NEK11: variants seen among roughly 807,000 people sequenced by gnomAD.
The protein encoded by NEK11 is serine/threonine-protein kinase Nek11.
A neutral mutation model predicts 80.7 loss-of-function variants in NEK11; 72 were observed. The observed-to-expected ratio is 0.89, with a 90% CI of 0.74 to 1.08. NEK11 has a LOEUF of 1.08. NEK11 is among the 50% of genes least tolerant of loss of function. The pLI, the probability that NEK11 is intolerant of heterozygous loss-of-function variation, is 0.00. For missense variants in NEK11, 764 were observed against 763.6 expected, an observed-to-expected ratio of 1.00 and a Z score of -0.01; for synonymous variants, 251 against 260.7, an observed-to-expected ratio of 0.96 and a Z score of 0.36.
chr3:131,300,714 C>G (rs1019199289), intron 17 of NEK11, among the ~76,000 whole-genome samples: 1 of 152,104 alleles, frequency 6.6e-6, no homozygotes, highest in Non-Finnish European at 1.5e-5. Context: ...TTCCTGGGCT[C>G]TCTGTTCTGT....
intron 10 of NEK11, among the ~76,000 whole-genome samples, chr3:131,156,362 A>C (rs2090639373): frequency 2.0e-5 from 3 of 152,180 alleles, no homozygotes; most frequent in Admixed American, 2.0e-4. Flanking sequence ...TTTGTCAAGG[A>C]AAGAGTTGGG....
intron 3 of NEK11, among the ~76,000 whole-genome samples, chr3:131,060,565 C>T (rs977578814): frequency 2.0e-5 from 3 of 152,126 alleles, no homozygotes; most frequent in Non-Finnish European, 2.9e-5. Flanking sequence ...TTTTTAATCT[C>T]ATATTTTCAG....
chr3:131,303,185 T>C (rs2096681137), intron 17 of NEK11, among the ~76,000 whole-genome samples: 1 of 152,180 alleles, frequency 6.6e-6, no homozygotes, highest in Admixed American at 6.5e-5. Flanking sequence ...TTGTGGCAGA[T>C]TTTTCTCATT....
chr3:131,091,232 T>C (rs2076683763), intron 4 of NEK11, among the ~76,000 whole-genome samples: 1 of 152,234 alleles, frequency 6.6e-6, no homozygotes, highest in Non-Finnish European at 1.5e-5. Context: ...CCTTGCTTAA[T>C]GCTAAAAACA....
chr3:131,073,208 A>G (rs1429965540), intron 3 of NEK11, among the ~76,000 whole-genome samples: 3 of 152,164 alleles, frequency 2.0e-5, no homozygotes, highest in Admixed American at 1.3e-4. Context: ...GCTTATTTAT[A>G]CAGATGGGAA....
intron 3 of NEK11, chr3:131,054,686 T>C (rs2069044720): frequency 6.6e-6 from 1 of 150,898 alleles, no homozygotes; most frequent in Non-Finnish European, 1.5e-5. Context: ...GAGCCTGGGA[T>C]GCAGAGGTTG....
intron 17 of NEK11, among the ~76,000 whole-genome samples, chr3:131,312,873 G>C (rs1453152228): frequency 2.0e-5 from 3 of 152,062 alleles, no homozygotes; most frequent in Non-Finnish European, 4.4e-5. Context: ...TTGTTATACA[G>C]GTAAACTCGT....
intron 14 of NEK11, among the ~76,000 whole-genome samples, chr3:131,209,130 C>T (rs1330245785): frequency 6.6e-6 from 1 of 152,058 alleles, no homozygotes; most frequent in South Asian, 2.1e-4. Flanking sequence ...TTATTTTGAG[C>T]TACGTCCCAT....
chr3:131,053,438 T>C (rs989730591), intron 3 of NEK11: 1 of 152,260 alleles, frequency 6.6e-6, no homozygotes, highest in African/African-American at 2.4e-5. Context: ...CTTTTTATCT[T>C]CACAGACCAT....
Position 131,272,463 on chromosome 3 carries a change from C to CTTTTTTTTTTTT in NEK11, c.1622-996_1622-985dup, listed in dbSNP as rs869304359. 1.9e-3 allele frequency among the ~76,000 whole-genome samples: 85 copies of CTTTTTTTTTTTT among 43,896 alleles called. 7 individuals are homozygous for CTTTTTTTTTTTT. The highest frequency in any genetic ancestry group is 0.067 in the Middle Eastern group (2 of 30). The allele number at this position is 43,896 out of a possible 152,430, so 28.8% of individuals were successfully genotyped here. ...CTTGCTAATGGGCCAGTTTTAGCTT[C>CTTTTTTTTTTTT]TTTTTTTTTTTTTTTTTTTTTTTTT... is the stretch of plus-strand genomic sequence containing the variant. On this transcript the variant is annotated intron_variant, in intron 16 of 17. Coordinates refer to ENST00000383366, the MANE Select transcript of NEK11 (RefSeq NM_024800.5).
chr3:131,325,365 T>TTG (rs1271023848), intron 17 of NEK11: 1 of 146,982 alleles, frequency 6.8e-6, no homozygotes, highest in Non-Finnish European at 1.5e-5. Context: ...GGGTACATAC[T>TTG]TGTGTATATA....
intron 7 of NEK11, among the ~76,000 whole-genome samples, chr3:131,141,448 G>A (rs2086885023): frequency 1.3e-5 from 2 of 152,178 alleles, no homozygotes; most frequent in African/African-American, 4.8e-5. Flanking sequence ...TGGGAGAAGA[G>A]GGAGGGAACT....
chr3:131,147,624 C>T (rs1416156027), intron 7 of NEK11, among the ~76,000 whole-genome samples: 2 of 151,882 alleles, frequency 1.3e-5, no homozygotes, highest in Non-Finnish European at 2.9e-5. Flanking sequence ...GCCAAAATGT[C>T]TGCTAGGATT....
chr3:131,143,548 C>A (rs1329603420), intron 7 of NEK11, among the ~76,000 whole-genome samples: 1 of 151,806 alleles, frequency 6.6e-6, no homozygotes, highest in Admixed American at 6.6e-5. Flanking sequence ...TATGTGGATT[C>A]AAGAAAGATC....
At chr3:131,265,440 G>T (rs576049227) in intron 16 of NEK11, among the ~76,000 whole-genome samples, 1 of 152,198 alleles carries the variant, frequency 6.6e-6, no homozygotes, top group South Asian at 2.1e-4. Context: ...GTTGAATTTT[G>T]TCGAAGGCCT....
intron 4 of NEK11, among the ~76,000 whole-genome samples, chr3:131,084,462 A>C (rs2075718676): frequency 6.6e-6 from 1 of 152,228 alleles, no homozygotes; most frequent in Admixed American, 6.5e-5. Flanking sequence ...GTGCTGATAT[A>C]CCTAACAATG....
rs2110631221 is a variant in NEK11 at position 131,350,413 on chromosome 3, TAAAC to T, written c.*639_*642del. 1 of 152,390 alleles carries T rather than the reference TAAAC, an allele frequency of 6.6e-6. No homozygotes were observed. Among genetic ancestry groups the T allele is most frequent in the South Asian group, 2.1e-4 (1 of 4,834 alleles). The allele number at this position is 152,390 out of a possible 1,614,324, so 9.4% of individuals were successfully genotyped here. A position where few individuals can be genotyped will look rare whatever the true frequency, so the allele number is the denominator to read the frequency against. ...GATAATTCAAGATTTGTATTCAAAATAAACATAGTTTTCACAGTTACAAAATAAA... is the reference window on the plus strand; with the variant it reads ...GATAATTCAAGATTTGTATTCAAAATATAGTTTTCACAGTTACAAAATAAA... On this transcript the variant is annotated 3_prime_UTR_variant, in exon 18 of 18. Coordinates refer to ENST00000383366, the MANE Select transcript of NEK11 (RefSeq NM_024800.5).
chr3:131,253,024 A>G (rs1357556128), intron 16 of NEK11, among the ~76,000 whole-genome samples: 2 of 152,074 alleles, frequency 1.3e-5, no homozygotes, highest in Non-Finnish European at 2.9e-5. Context: ...GGCACTGTGC[A>G]TAAGAGTTAC....
At chr3:131,029,308 G>A (rs911089473) in intron 2 of NEK11, among the ~76,000 whole-genome samples, 2 of 152,104 alleles carry the variant, frequency 1.3e-5, no homozygotes, top group Non-Finnish European at 2.9e-5. Flanking sequence ...AAGTAGTTGG[G>A]GAGTATAAAT....
Sources: allele counts gnomAD v4.1 joint callset (sites outside exome capture counted in the v4.1 genomes callset), GRCh38; gene constraint gnomAD v4.1.1; transcripts MANE v1.5; gene names NCBI Gene and HGNC (gene_info 2026-07-23, HGNC 2026-07-21).